KIZ: variants seen among roughly 807,000 people sequenced by gnomAD.
KIZ encodes the protein kizuna centrosomal protein, also known as centrosomal protein kizuna.
In KIZ, 68 loss-of-function variants were observed where a neutral mutation model predicts 79.6. The observed-to-expected ratio is 0.85, with a 90% CI of 0.70 to 1.05. The LOEUF is 1.05. Among genes scored for constraint, KIZ ranks in the 50% least tolerant of loss-of-function variants. The pLI is 0.00. For missense variants in KIZ, 797 were observed against 800.4 expected (o/e 1.00, Z 0.05); for synonymous variants, 280 against 281.8 (o/e 0.99, Z 0.06).
At chr20:21,129,731 C>CA (rs1358405199) in intron 1 of KIZ, among the ~76,000 whole-genome samples, 1,464 of 126,900 alleles carry the variant, frequency 0.012, 5 homozygotes, top group African/African-American at 0.019. Flanking sequence ...GACTCCATCT[C>CA]AAAAAAAAAA....
intron 11 of KIZ, among the ~76,000 whole-genome samples, chr20:21,238,353 G>GTGTGTA: frequency 3.4e-5 from 1 of 29,130 alleles, no homozygotes; most frequent in South Asian, 3.6e-3. Flanking sequence ...GAGAGAGAGA[G>GTGTGTA]TGTGTGTGTG....
chr20:21,231,754 T>C (rs758830142), intron 10 of KIZ, among the ~76,000 whole-genome samples: 10 of 152,096 alleles, frequency 6.6e-5, no homozygotes, highest in Non-Finnish European at 1.5e-4. Flanking sequence ...GTAGCAGGGA[T>C]GGGAGGTGGT....
chr20:21,209,988 T>C (rs1177712672), intron 7 of KIZ, among the ~76,000 whole-genome samples: 7 of 152,204 alleles, frequency 4.6e-5, no homozygotes, highest in Admixed American at 4.6e-4. Context: ...CTGGCCATTT[T>C]CCTACTATTC....
intron 1 of KIZ, among the ~76,000 whole-genome samples, chr20:21,129,461 G>A (rs140645799): frequency 5.3e-4 from 80 of 152,302 alleles, no homozygotes; most frequent in African/African-American, 8.9e-4. Context: ...GTGGCTGGGC[G>A]TGGTGGCTCA....
intron 11 of KIZ, 38 bp downstream of exon 11, chr20:21,232,868 G>T: frequency 1.2e-6 from 1 of 838,092 alleles, no homozygotes; most frequent in Non-Finnish European, 2.0e-6. Flanking sequence ...GCAGCAACAA[G>T]ATGAGAAATG....
chr20:21,235,748 AAAGGTAGCAG>A (rs2036983683), intron 11 of KIZ, among the ~76,000 whole-genome samples: 1 of 152,164 alleles, frequency 6.6e-6, no homozygotes, highest in Non-Finnish European at 1.5e-5. Context: ...TGCCTGGGGG[AAAGGTAGCAG>A]AAGTCACCCC....
rs149911130 is a variant in KIZ, at chr20:21,205,264, T to C, written c.1353-227T>C. Among the ~76,000 whole-genome samples, 148 of 152,314 alleles carry C rather than the reference T, an allele frequency of 9.7e-4. 4 individuals carry two copies. In the East Asian group the frequency reaches 0.028, roughly 28 times the overall value. ...GATTGTGCAGAGCTCCCCAGGTTGT[T>C]CTGTGTGCAGCAAAAGTTGAGAATG... is the stretch of plus-strand genomic sequence containing the variant. On this transcript the variant is annotated intron_variant, in intron 6 of 12. Coordinates refer to ENST00000619189, the MANE Select transcript of KIZ (RefSeq NM_018474.6).
At chr20:21,219,778 A>C (rs16982605) in intron 9 of KIZ, among the ~76,000 whole-genome samples, 3,414 of 152,178 alleles carry the variant, frequency 0.022, 119 homozygotes, top group African/African-American at 0.078. Context: ...GCTTATCACC[A>C]CAAAACGGAG....
chr20:21,205,685 A>C, intron 7 of KIZ, 101 bp downstream of exon 7: 2 of 567,722 alleles, frequency 3.5e-6, no homozygotes, highest in Non-Finnish European at 6.0e-6. Flanking sequence ...AGTTTTGGCC[A>C]GGCGCCGTGG....
chr20:21,242,149 G>C (rs2037239759), intron 11 of KIZ, among the ~76,000 whole-genome samples: 1 of 152,188 alleles, frequency 6.6e-6, no homozygotes, highest in Non-Finnish European at 1.5e-5. Flanking sequence ...CAGTTCAGAG[G>C]GGGAGGACTG....
At position 21,162,466 on chromosome 20, in the gene KIZ, A is replaced by G. The variant is rs1359264286; in HGVS notation, c.1001A>G (p.Lys334Arg). The change falls in exon 5 of 13, where the codon AAG becomes AGG. Residue 334 changes from lysine to arginine, a missense_variant. Coordinates refer to ENST00000619189, the MANE Select transcript of KIZ (RefSeq NM_018474.6). The part of the protein sequence containing the change: ...PVSEYCESEN[K>R]WSQEKHSPWE... ...TCAGAATACTGTGAATCTGAAAATA[A>G]GTGGTCTCAAGAGAAGCATTCTCCT... 1.9e-6 allele frequency: 3 copies of G among 1,613,472 alleles called. No homozygotes were observed. Among genetic ancestry groups the G allele is most frequent in the East Asian group, 4.5e-5 (2 of 44,848 alleles).
At chr20:21,246,215 T>TA in intron 12 of KIZ, 1 of 451,696 alleles carries the variant, frequency 2.2e-6, no homozygotes, top group Non-Finnish European at 3.9e-6. Context: ...TATCCTATAA[T>TA]AAAGAGTTGG....
intron 6 of KIZ, among the ~76,000 whole-genome samples, chr20:21,181,451 C>T (rs2034650853): frequency 6.6e-6 from 1 of 151,968 alleles, no homozygotes; most frequent in African/African-American, 2.4e-5. Flanking sequence ...ACTGAAAAGC[C>T]ATCTATCCAA....
At chr20:21,140,692 A>G (rs1264265210) in intron 3 of KIZ, among the ~76,000 whole-genome samples, 1 of 152,158 alleles carries the variant, frequency 6.6e-6, no homozygotes, top group Non-Finnish European at 1.5e-5. Context: ...AAATATAAAT[A>G]TTAGGTCTGG....
chr20:21,212,436 C>G (rs1463990022), intron 7 of KIZ, among the ~76,000 whole-genome samples: 1 of 152,148 alleles, frequency 6.6e-6, no homozygotes, highest in Non-Finnish European at 1.5e-5. Flanking sequence ...ATGTGAAAAT[C>G]AACATTTTAT....
At chr20:21,181,617 C>T (rs944014017) in intron 6 of KIZ, among the ~76,000 whole-genome samples, 2 of 152,026 alleles carry the variant, frequency 1.3e-5, no homozygotes, top group African/African-American at 4.8e-5. Flanking sequence ...CGCCACCATG[C>T]CTGGCTAATT....
intron 6 of KIZ, among the ~76,000 whole-genome samples, chr20:21,182,845 T>C (rs946887174): frequency 2.0e-5 from 3 of 151,772 alleles, no homozygotes; most frequent in African/African-American, 4.8e-5. Flanking sequence ...ATTTTAGACT[T>C]CTTTTCTCCT....
At chr20:21,198,871 G>A (rs566217469) in intron 6 of KIZ, 9 of 152,628 alleles carry the variant, frequency 5.9e-5, no homozygotes, top group Non-Finnish European at 8.8e-5. Context: ...TAAAAACCAC[G>A]GTCTTAAAAT....
intron 6 of KIZ, among the ~76,000 whole-genome samples, chr20:21,167,326 A>G (rs2033987598): frequency 6.6e-6 from 1 of 152,228 alleles, no homozygotes; most frequent in Non-Finnish European, 1.5e-5. Flanking sequence ...GGACATGTTC[A>G]GGGTTCCTTG....
Sources: allele counts gnomAD v4.1 joint callset (sites outside exome capture counted in the v4.1 genomes callset), GRCh38; gene constraint gnomAD v4.1.1; transcripts MANE v1.5; gene names NCBI Gene and HGNC (gene_info 2026-07-23, HGNC 2026-07-21).